CNTN1: variants seen among roughly 807,000 people sequenced by gnomAD.
The protein encoded by CNTN1 is contactin-1.
Under a neutral mutation model 126.4 loss-of-function variants are expected in CNTN1, and 38 were observed. That is an observed-to-expected ratio of 0.30 (90% CI 0.23 to 0.39). The LOEUF (loss-of-function observed/expected upper bound fraction) is 0.39, where lower values mean the gene tolerates loss of function less well. Ranked by LOEUF, CNTN1 falls within the 10% of genes least tolerant of loss-of-function variation. CNTN1 has a pLI of 1.00. For missense variants in CNTN1, 1,009 were observed against 1,248.4 expected, an observed-to-expected ratio of 0.81 and a Z score of 2.89; for synonymous variants, 413 against 422.6, an observed-to-expected ratio of 0.98 and a Z score of 0.28.
chr12:40,723,938 G>A (rs1942284745), intron 1 of CNTN1, among the ~76,000 whole-genome samples: 1 of 152,134 alleles, frequency 6.6e-6, no homozygotes, highest in African/African-American at 2.4e-5. Context: ...CCAATAGAAA[G>A]AGAAAGAGAA....
chr12:40,792,031 C>A (rs1335990274), intron 1 of CNTN1, among the ~76,000 whole-genome samples: 3 of 152,022 alleles, frequency 2.0e-5, no homozygotes, highest in African/African-American at 7.2e-5. Context: ...GTGAGGAAAT[C>A]AATTTAACCT....
chr12:40,770,241 T>C (rs1939285569), intron 1 of CNTN1, among the ~76,000 whole-genome samples: 1 of 152,080 alleles, frequency 6.6e-6, no homozygotes, highest in Non-Finnish European at 1.5e-5. Context: ...CTTTGTAACC[T>C]CAGTTATTCT....
rs536175144 is a variant in CNTN1, at chr12:40,735,002, A to G, written c.-77+42410A>G. On this transcript the variant is annotated intron_variant, in intron 1 of 23. Coordinates refer to ENST00000551295, the MANE Select transcript of CNTN1 (RefSeq NM_001843.4). ...GTAAAACAATCATTTTACTAGGCAT[A>G]CGATTTTATGATAGTGTAAAAGAAG... Among the ~76,000 whole-genome samples, 81 of 152,274 alleles carry G rather than the reference A, an allele frequency of 5.3e-4. 2 individuals carry two copies. In the South Asian group the frequency reaches 0.016, roughly 30 times the overall value.
At chr12:40,980,631 T>A (rs1028075250) in intron 15 of CNTN1, among the ~76,000 whole-genome samples, 4 of 152,160 alleles carry the variant, frequency 2.6e-5, no homozygotes, top group Non-Finnish European at 2.9e-5. Context: ...TGGTGCCAAT[T>A]GCATATAATG....
chr12:40,866,238 A>G (rs1255890306), intron 1 of CNTN1, among the ~76,000 whole-genome samples: 1 of 152,126 alleles, frequency 6.6e-6, no homozygotes, highest in Non-Finnish European at 1.5e-5. Flanking sequence ...TTCTAAATAC[A>G]AGATTATGTC....
At chr12:40,908,293 C>G in intron 1 of CNTN1, 64 bp from the exon 2 acceptor site, 1 of 619,786 alleles carries the variant, frequency 1.6e-6, no homozygotes. Context: ...CTCCTCCTCT[C>G]CCCTTCCTTC....
At chr12:40,936,964 T>G in intron 10 of CNTN1, 59 bp downstream of exon 10, 1 of 1,602,818 alleles carries the variant, frequency 6.2e-7, no homozygotes, top group Non-Finnish European at 8.5e-7. Context: ...TGTTTCAGGG[T>G]AGTCCTGGGA....
chr12:40,747,305 A>ATGTGTGTGTGTGTGTGTGTG (rs58826763), intron 1 of CNTN1, among the ~76,000 whole-genome samples: 91 of 148,358 alleles, frequency 6.1e-4, no homozygotes, highest in Non-Finnish European at 9.1e-4. Context: ...TTGTGAAGGG[A>ATGTGTGTGTGTGTGTGTGTG]TGTGTGTGTG....
At chr12:40,737,283 A>ATGTG (rs1347358969) in intron 1 of CNTN1, among the ~76,000 whole-genome samples, 9 of 23,842 alleles carry the variant, frequency 3.8e-4, no homozygotes, top group East Asian at 1.1e-3. Context: ...AATAGGATAT[A>ATGTG]TATGTGTGTG....
At chr12:41,025,402 A>C (rs1180932328) in intron 21 of CNTN1, 66 bp downstream of exon 21, 29 of 1,516,008 alleles carry the variant, frequency 1.9e-5, no homozygotes, top group Non-Finnish European at 2.7e-5. Flanking sequence ...TGATACGAAT[A>C]TATTTGAAGG....
intron 14 of CNTN1, among the ~76,000 whole-genome samples, chr12:40,950,176 A>G (rs1946618676): frequency 6.6e-6 from 1 of 151,080 alleles, no homozygotes; most frequent in African/African-American, 2.4e-5. Flanking sequence ...ATATCCTATA[A>G]TGCACAAGAC....
chr12:40,883,450 G>C (rs1943937264), intron 1 of CNTN1, among the ~76,000 whole-genome samples: 1 of 151,566 alleles, frequency 6.6e-6, no homozygotes, highest in Admixed American at 6.6e-5. Flanking sequence ...AAATTCTAGT[G>C]ATTTTTGAAT....
intron 1 of CNTN1, among the ~76,000 whole-genome samples, chr12:40,705,538 T>A (rs1941715623): frequency 6.6e-6 from 1 of 152,222 alleles, no homozygotes; most frequent in Admixed American, 6.5e-5. Flanking sequence ...CATCTCTTTT[T>A]TTTTTATTAT....
chr12:41,012,402 G>C (rs548076492), intron 17 of CNTN1, among the ~76,000 whole-genome samples: 1 of 152,310 alleles, frequency 6.6e-6, no homozygotes, highest in African/African-American at 2.4e-5. Flanking sequence ...CATACACAGA[G>C]AGGATAAGAG....
chr12:40,934,584 T>G (rs527430114), intron 9 of CNTN1, among the ~76,000 whole-genome samples: 1 of 152,084 alleles, frequency 6.6e-6, no homozygotes, highest in South Asian at 2.1e-4. Flanking sequence ...ACATGAACTT[T>G]GCAGGTCACA....
At chr12:40,797,746 C>T (rs1173019410) in intron 1 of CNTN1, among the ~76,000 whole-genome samples, 2 of 151,692 alleles carry the variant, frequency 1.3e-5, no homozygotes, top group Non-Finnish European at 2.9e-5. Context: ...AGGTTAATGG[C>T]GATGAGGAGA....
At position 40,735,949 on chromosome 12, in the gene CNTN1, T is replaced by C. The variant is rs572009197; in HGVS notation, c.-77+43357T>C. ...GGTAGGTCTCATTGAGGAAATCACA[T>C]TGCTTGCCATCTTTGCTGGAAGAGA... On this transcript the variant is annotated intron_variant, in intron 1 of 23. Transcript: ENST00000551295. 2.6e-5 allele frequency among the ~76,000 whole-genome samples: 4 copies of C among 152,138 alleles called. No individual in the cohort carries two copies. In the South Asian group the frequency reaches 8.3e-4, roughly 32 times the overall value.
rs1250996433 is a variant in CNTN1 at position 41,059,187 on chromosome 12, C to CCTTAATACCAAATACCGAT, written c.2981-10755_2981-10737dup. Among the ~76,000 whole-genome samples, 319 of 152,186 alleles carry CCTTAATACCAAATACCGAT rather than the reference C, an allele frequency of 2.1e-3. 1 individual carries two copies. The highest frequency in any genetic ancestry group is 0.018 in the South Asian group (86 of 4,812). ...AATACCAAATACCAAATCTTAATGC[C>CCTTAATACCAAATACCGAT]CTTAATACCAAATACCGATCTTAAT... On this transcript the variant is annotated intron_variant, in intron 23 of 23. Coordinates refer to ENST00000551295, the MANE Select transcript of CNTN1 (RefSeq NM_001843.4).
intron 1 of CNTN1, among the ~76,000 whole-genome samples, chr12:40,784,684 G>C (rs1417700689): frequency 6.6e-6 from 1 of 152,110 alleles, no homozygotes; most frequent in Non-Finnish European, 1.5e-5. Context: ...GCTCCCCAGA[G>C]AGCAGGATCC....
Sources: gnomAD v4.1 joint callset for allele counts (sites outside exome capture counted in the v4.1 genomes callset) on GRCh38, gnomAD v4.1.1 for gene constraint, MANE v1.5 for transcripts, NCBI Gene and HGNC (gene_info 2026-07-23, HGNC 2026-07-21) for gene names.